TAFA5: variants seen among roughly 807,000 people sequenced by gnomAD.
TAFA5 encodes the protein chemokine-like protein TAFA-5.
A neutral mutation model predicts 15.3 loss-of-function variants in TAFA5; 6 were observed. The observed-to-expected ratio is 0.39, with a 90% confidence interval of 0.21 to 0.77. The LOEUF (loss-of-function observed/expected upper bound fraction) is 0.77. TAFA5 is among the 30% of genes least tolerant of loss of function. The probability of loss-of-function intolerance (pLI) is 0.41; values close to 1 mark genes in which losing one functional copy is unlikely to be tolerated. For missense variants in TAFA5, 161 were observed against 193.1 expected (o/e 0.83, Z 0.98); for synonymous variants, 103 against 80.7 (o/e 1.28, Z -1.48).
chr22:48,499,225 T>A (rs1285055764), intron 1 of TAFA5, among the ~76,000 whole-genome samples: 1 of 152,224 alleles, frequency 6.6e-6, no homozygotes, highest in South Asian at 2.1e-4. Flanking sequence ...CATGTAACCG[T>A]GCTGCCGATG....
At chr22:48,721,402 C>CT (rs1431850813) in intron 3 of TAFA5, among the ~76,000 whole-genome samples, 1 of 152,226 alleles carries the variant, frequency 6.6e-6, no homozygotes, top group African/African-American at 2.4e-5. Context: ...AGCCCGTCCA[C>CT]TGTGTGTGAT....
chr22:48,729,784 A>G (rs1929818618), intron 3 of TAFA5, among the ~76,000 whole-genome samples: 1 of 148,416 alleles, frequency 6.7e-6, no homozygotes, highest in Admixed American at 6.7e-5. Flanking sequence ...ATAAATATAT[A>G]AATATATATT....
chr22:48,547,271 C>G (rs1922708171), intron 1 of TAFA5: 1 of 152,314 alleles, frequency 6.6e-6, no homozygotes, highest in Admixed American at 6.5e-5. Context: ...GCTCCTCTTC[C>G]TCTGCTGGTG....
At chr22:48,643,620 G>A (rs754863262) in intron 1 of TAFA5, among the ~76,000 whole-genome samples, 2 of 152,236 alleles carry the variant, frequency 1.3e-5, no homozygotes, top group Non-Finnish European at 2.9e-5. Context: ...CCTGAGGGGT[G>A]TGCTGTGTGG....
Position 48,749,841 on chromosome 22 carries a change from C to A in TAFA5, c.393C>A (p.Val131=). Reference sequence around the variant, plus strand: ...CTCTCTCTCTCTTTGCTCCTCAGGTCTCCTGACAAACACAGCCCCTGAGGG... The same window carrying A: ...CTCTCTCTCTCTTTGCTCCTCAGGTATCCTGACAAACACAGCCCCTGAGGG... ...QPGGRIKTTT[V]S Residue 131 remains valine, a splice_region_variant and synonymous_variant, in exon 4 of 4, where the codon GTC becomes GTA. Coordinates refer to ENST00000402357, the MANE Select transcript of TAFA5 (RefSeq NM_001082967.3). 1 of 1,560,836 alleles carries A rather than the reference C, an allele frequency of 6.4e-7. No homozygotes were observed. Among genetic ancestry groups the A allele is most frequent in the Non-Finnish European group, 8.7e-7 (1 of 1,151,744 alleles).
intron 2 of TAFA5, among the ~76,000 whole-genome samples, chr22:48,686,899 A>AATGG (rs55750601): frequency 0.056 from 7,570 of 136,288 alleles, 229 homozygotes; most frequent in East Asian, 0.14. Flanking sequence ...TTGATGGTTG[A>AATGG]ATGGATGGAT....
At chr22:48,546,525 C>T (rs1237375518) in intron 1 of TAFA5, 2 of 471,050 alleles carry the variant, frequency 4.2e-6, no homozygotes, top group Admixed American at 2.3e-5. Context: ...GGCTGGGCAG[C>T]CCGCGGCTGT....
chr22:48,542,644 G>GTGTGTGGTGTGTC (rs1922490703), intron 1 of TAFA5, among the ~76,000 whole-genome samples: 3 of 135,558 alleles, frequency 2.2e-5, no homozygotes, highest in Admixed American at 2.2e-4. Flanking sequence ...TGTGATGTGT[G>GTGTGTGGTGTGTC]TGTGTGGTGT....
chr22:48,719,615 G>A (rs1569093220), intron 3 of TAFA5, among the ~76,000 whole-genome samples: 1 of 152,222 alleles, frequency 6.6e-6, no homozygotes. Context: ...AGAAGGCTGA[G>A]GCTTAAACAG....
At chr22:48,537,424 G>A (rs956318521) in intron 1 of TAFA5, among the ~76,000 whole-genome samples, 1 of 152,220 alleles carries the variant, frequency 6.6e-6, no homozygotes, top group Non-Finnish European at 1.5e-5. Flanking sequence ...AAACCCCAGG[G>A]CAGGCCATGT....
chr22:48,524,140 C>A (rs566326569), intron 1 of TAFA5, among the ~76,000 whole-genome samples: 1 of 152,244 alleles, frequency 6.6e-6, no homozygotes, highest in Non-Finnish European at 1.5e-5. Flanking sequence ...TCCTCCCTCC[C>A]GTCTGGCCAG....
At chr22:48,553,962 G>A (rs1922944170) in intron 1 of TAFA5, among the ~76,000 whole-genome samples, 1 of 152,202 alleles carries the variant, frequency 6.6e-6, no homozygotes, top group African/African-American at 2.4e-5. Context: ...GCCACTGAAT[G>A]GGAGCATCAA....
chr22:48,706,609 C>T (rs1929086344), intron 2 of TAFA5, among the ~76,000 whole-genome samples: 1 of 152,188 alleles, frequency 6.6e-6, no homozygotes, highest in South Asian at 2.1e-4. Flanking sequence ...GTGGTAGAAT[C>T]CTGTGTATAT....
At chr22:48,538,031 T>C (rs1425064764) in intron 1 of TAFA5, among the ~76,000 whole-genome samples, 1 of 152,226 alleles carries the variant, frequency 6.6e-6, no homozygotes, top group African/African-American at 2.4e-5. Context: ...CGCCCCTTCC[T>C]GAAGGCAGAT....
At chr22:48,573,285 A>G (rs2147139524) in intron 1 of TAFA5, among the ~76,000 whole-genome samples, 1 of 152,350 alleles carries the variant, frequency 6.6e-6, no homozygotes. Context: ...TCTTCTGTCC[A>G]GAGACTGGGC....
chr22:48,669,434 T>C (rs992817235), intron 2 of TAFA5, among the ~76,000 whole-genome samples: 4 of 152,220 alleles, frequency 2.6e-5, no homozygotes, highest in African/African-American at 7.2e-5. Flanking sequence ...GAGGACCCAC[T>C]TCTAGAAGGT....
At chr22:48,691,802 G>A (rs895438165) in intron 2 of TAFA5, among the ~76,000 whole-genome samples, 1 of 152,194 alleles carries the variant, frequency 6.6e-6, no homozygotes, top group African/African-American at 2.4e-5. Flanking sequence ...TGAGTCTCGT[G>A]GGATGGCGAG....
intron 1 of TAFA5, among the ~76,000 whole-genome samples, chr22:48,509,100 A>C (rs553878934): frequency 4.6e-5 from 7 of 152,220 alleles, no homozygotes; most frequent in Admixed American, 6.5e-5. Flanking sequence ...ACTTAACACA[A>C]TGCCCTCCGG....
At chr22:48,617,560 C>T (rs1220482336) in intron 1 of TAFA5, among the ~76,000 whole-genome samples, 1 of 152,232 alleles carries the variant, frequency 6.6e-6, no homozygotes, top group Non-Finnish European at 1.5e-5. Flanking sequence ...CGCAGAACCT[C>T]GGCACTCACT....
Sources: gnomAD v4.1 joint callset for allele counts (sites outside exome capture counted in the v4.1 genomes callset) on GRCh38, gnomAD v4.1.1 for gene constraint, MANE v1.5 for transcripts, NCBI Gene and HGNC (gene_info 2026-07-23, HGNC 2026-07-21) for gene names.